Variants in MEF2A observed in about 807,000 individuals in gnomAD.
The protein encoded by MEF2A is myocyte enhancer factor 2A.
Under a neutral mutation model 55.8 loss-of-function variants are expected in MEF2A, and 28 were observed. The observed-to-expected ratio is 0.50, with a 90% CI of 0.37 to 0.69. The LOEUF (loss-of-function observed/expected upper bound fraction) is 0.69. MEF2A is among the 30% of genes least tolerant of loss of function. MEF2A has a pLI of 0.00. For missense variants in MEF2A, 528 were observed against 626.2 expected (o/e 0.84, Z 1.67); for synonymous variants, 239 against 227.1 (o/e 1.05, Z -0.47).
rs374410977 is a variant in MEF2A, at chr15:99,631,204, A to G, written c.-142-1774A>G. ...TGATATAAGGTAGTACACTGTATCC[A>G]TCTTACAGCCATTAAAATATCTTGC... On this transcript the variant is annotated intron_variant, in intron 2 of 11. Coordinates refer to ENST00000557942, the MANE Select transcript of MEF2A (RefSeq NM_001319206.4). 1.8e-4 allele frequency among the ~76,000 whole-genome samples: 28 copies of G among 152,382 alleles called. 3 individuals carry two copies. In the East Asian group the frequency reaches 3.7e-3, roughly 20 times the overall value.
At chr15:99,666,610 T>TAAA (rs1555484776) in intron 4 of MEF2A, among the ~76,000 whole-genome samples, 10 of 148,430 alleles carry the variant, frequency 6.7e-5, no homozygotes, top group East Asian at 2.0e-4. Flanking sequence ...ATAATAATAA[T>TAAA]AAAAAGATCA....
chr15:99,569,929 C>A (rs1328060199), intron 1 of MEF2A, among the ~76,000 whole-genome samples: 1 of 151,686 alleles, frequency 6.6e-6, no homozygotes, highest in African/African-American at 2.4e-5. Context: ...GAGTGTAAAT[C>A]CATTTGTTAA....
At chr15:99,668,792 G>A (rs1391262749) in intron 4 of MEF2A, among the ~76,000 whole-genome samples, 1 of 152,196 alleles carries the variant, frequency 6.6e-6, no homozygotes, top group Non-Finnish European at 1.5e-5. Flanking sequence ...GATAATACCA[G>A]TGGCACAGGA....
chr15:99,684,629 C>T (rs569844790), intron 7 of MEF2A, among the ~76,000 whole-genome samples: 11 of 152,114 alleles, frequency 7.2e-5, no homozygotes, highest in African/African-American at 1.7e-4. Flanking sequence ...GCATAGTTTG[C>T]GAAGATTTTC....
chr15:99,667,423 A>G (rs866808731), intron 4 of MEF2A, among the ~76,000 whole-genome samples: 1 of 151,966 alleles, frequency 6.6e-6, no homozygotes, highest in Non-Finnish European at 1.5e-5. Flanking sequence ...ACGGGGTTTC[A>G]CCGTGTTAGC....
intron 2 of MEF2A, among the ~76,000 whole-genome samples, chr15:99,611,207 A>T (rs544745583): frequency 6.6e-6 from 1 of 152,336 alleles, no homozygotes; most frequent in African/African-American, 2.4e-5. Flanking sequence ...GTGCCACTGG[A>T]CTCCAGCCTG....
chr15:99,632,279 T>C (rs1366054411), intron 2 of MEF2A, among the ~76,000 whole-genome samples: 1 of 152,194 alleles, frequency 6.6e-6, no homozygotes, highest in Admixed American at 6.5e-5. Context: ...TCTTGACTGA[T>C]AAGGAGGTGT....
intron 1 of MEF2A, among the ~76,000 whole-genome samples, chr15:99,586,757 C>G (rs1370268669): frequency 1.3e-5 from 2 of 152,186 alleles, no homozygotes; most frequent in Middle Eastern, 3.4e-3. Context: ...GGATTTTTGT[C>G]TCAAACTATA....
At chr15:99,594,387 T>C (rs1369358541) in intron 1 of MEF2A, among the ~76,000 whole-genome samples, 2 of 151,874 alleles carry the variant, frequency 1.3e-5, no homozygotes, top group East Asian at 3.9e-4. Flanking sequence ...ATCCTCTATC[T>C]GGTTGTGCTA....
At chr15:99,596,004 C>G (rs1220275302) in intron 1 of MEF2A, among the ~76,000 whole-genome samples, 1 of 151,966 alleles carries the variant, frequency 6.6e-6, no homozygotes, top group Non-Finnish European at 1.5e-5. Flanking sequence ...ATAACTGACT[C>G]AGCACTAACA....
chr15:99,572,083 C>G (rs1202153392), intron 1 of MEF2A, among the ~76,000 whole-genome samples: 1 of 142,478 alleles, frequency 7.0e-6, no homozygotes, highest in African/African-American at 2.6e-5. Flanking sequence ...TGGATCATAT[C>G]ATTTCTCTGC....
At chr15:99,693,457 ACT>A (rs1013560905) in intron 8 of MEF2A, among the ~76,000 whole-genome samples, 2 of 151,972 alleles carry the variant, frequency 1.3e-5, no homozygotes, top group Admixed American at 6.6e-5. Flanking sequence ...ACGCACACAC[ACT>A]CTCACTCCTA....
At chr15:99,596,060 T>G (rs1050096529) in intron 1 of MEF2A, among the ~76,000 whole-genome samples, 1 of 152,178 alleles carries the variant, frequency 6.6e-6, no homozygotes, top group Non-Finnish European at 1.5e-5. Flanking sequence ...CATTACAGAT[T>G]ATTGTAAAAT....
At chr15:99,687,575 C>T (rs2054532028) in intron 7 of MEF2A, among the ~76,000 whole-genome samples, 1 of 152,178 alleles carries the variant, frequency 6.6e-6, no homozygotes, top group African/African-American at 2.4e-5. Context: ...ACGTGTTTTT[C>T]TCACATTTAT....
intron 1 of MEF2A, among the ~76,000 whole-genome samples, chr15:99,584,386 T>C (rs891159280): frequency 1.4e-4 from 22 of 152,300 alleles, no homozygotes; most frequent in African/African-American, 4.8e-4. Flanking sequence ...GTACAAATGC[T>C]CATAGCAGCA....
At chr15:99,694,982 G>C (rs1033483246) in intron 8 of MEF2A, among the ~76,000 whole-genome samples, 2 of 147,320 alleles carry the variant, frequency 1.4e-5, no homozygotes, top group African/African-American at 5.0e-5. Context: ...ATTTTTGTGG[G>C]TTTTTTTTTT....
At chr15:99,609,272 A>G (rs117883257) in intron 2 of MEF2A, among the ~76,000 whole-genome samples, 429 of 152,346 alleles carry the variant, frequency 2.8e-3, no homozygotes, top group Non-Finnish European at 5.3e-3. Flanking sequence ...TTGTATGTTT[A>G]TTGATCTTAT....
At chr15:99,584,514 G>A (rs571922762) in intron 1 of MEF2A, among the ~76,000 whole-genome samples, 1 of 152,318 alleles carries the variant, frequency 6.6e-6, no homozygotes, top group African/African-American at 2.4e-5. Flanking sequence ...AAGGAATGAA[G>A]TGTAGATATG....
intron 8 of MEF2A, among the ~76,000 whole-genome samples, chr15:99,695,853 C>A: frequency 1.1e-5 from 1 of 94,666 alleles, no homozygotes. Flanking sequence ...GAGTGAAACT[C>A]CGTCTCAAAA....
Sources: allele counts gnomAD v4.1 joint callset (sites outside exome capture counted in the v4.1 genomes callset), GRCh38; gene constraint gnomAD v4.1.1; transcripts MANE v1.5; gene names NCBI Gene and HGNC (gene_info 2026-07-23, HGNC 2026-07-21).